The following KSR1 variants were observed in gnomAD, a reference collection of about 807,000 sequenced individuals.
KSR1 encodes kinase suppressor of ras.
Under a neutral mutation model 92.9 loss-of-function variants are expected in KSR1, and 35 were observed. The ratio of observed to expected loss-of-function variants is 0.38; its 90% CI spans 0.29 to 0.50. KSR1 has a LOEUF of 0.50. KSR1 is among the 20% of genes least tolerant of loss of function. KSR1 has a pLI of 0.94. For missense variants in KSR1, 972 were observed against 1,158.5 expected, an observed-to-expected ratio of 0.84 and a Z score of 2.34; for synonymous variants, 467 against 472.6, an observed-to-expected ratio of 0.99 and a Z score of 0.15.
At chr17:27,534,467 T>C (rs914691405) in intron 1 of KSR1, among the ~76,000 whole-genome samples, 3 of 152,158 alleles carry the variant, frequency 2.0e-5, no homozygotes, top group African/African-American at 7.2e-5. Context: ...ATCCCCCTCT[T>C]CCCCCATTTT....
chr17:27,516,746 G>A (rs1313899477), intron 1 of KSR1, among the ~76,000 whole-genome samples: 2 of 152,122 alleles, frequency 1.3e-5, no homozygotes, highest in African/African-American at 4.8e-5. Context: ...TATTTAAAGA[G>A]ATACATTCTG....
chr17:27,466,282 G>C (rs1024928017), intron 1 of KSR1, among the ~76,000 whole-genome samples: 4 of 152,192 alleles, frequency 2.6e-5, no homozygotes, highest in African/African-American at 9.7e-5. Flanking sequence ...AATAAAATTG[G>C]GTGGTTGAAG....
At position 27,582,819 on chromosome 17, in the gene KSR1, G is replaced by C. The variant is rs1598078966; in HGVS notation, c.694G>C (p.Ala232Pro). The change falls in exon 4 of 21, where the codon GCT becomes CCT. Residue 232 changes from alanine to proline, a missense_variant. Physicochemically the swap from Ala to Pro is conservative, Grantham distance 27. Around this residue, in one of 5 missense-constraint regions of KSR1, gnomAD observed 611 missense variants for 668.0 expected, o/e 0.91. Transcript: ENST00000644974. ...AQGPRSISVSALPASDSPTPS... is the reference protein window; with the variant it reads ...AQGPRSISVSPLPASDSPTPS... ...GGGCCCACGCTCCATCTCCGTGTCAGCTCTGCCCGCCTCAGACTCCCCCAC... is the reference window on the plus strand; with the variant it reads ...GGGCCCACGCTCCATCTCCGTGTCACCTCTGCCCGCCTCAGACTCCCCCAC... 6.2e-7 allele frequency: 1 copy of C among 1,613,370 alleles called. No individual in the cohort carries two copies. Among genetic ancestry groups the C allele is most frequent in the African/African-American group, 1.3e-5 (1 of 75,016 alleles).
chr17:27,558,029 C>T (rs2071672920), intron 2 of KSR1: 1 of 152,592 alleles, frequency 6.6e-6, no homozygotes, highest in Admixed American at 6.5e-5. Context: ...TGTCTTCACC[C>T]ATTTTTTTTC....
intron 2 of KSR1, chr17:27,560,305 T>G: frequency 2.6e-6 from 1 of 379,106 alleles, no homozygotes; most frequent in Non-Finnish European, 5.2e-6. Context: ...CGGTTGGAAG[T>G]TGTTGAAAGG....
In KSR1 at chr17:27,588,458, G is replaced by C; in HGVS notation, c.986-17G>C. ...GCGGAGTTCCTCAGCCTGCCCATCC[G>C]GCCTCTTTCCCTGCAGATCTCTCGC... is the stretch of plus-strand genomic sequence containing the variant. On this transcript the variant is annotated splice_polypyrimidine_tract_variant and intron_variant, in intron 5 of 20. Transcript: ENST00000644974. 1 of 1,564,662 alleles carries C rather than the reference G, an allele frequency of 6.4e-7. No homozygotes were observed. The highest frequency in any genetic ancestry group is 1.9e-5 in the Admixed American group (1 of 53,100).
chr17:27,588,807 G>A (rs2945375), intron 6 of KSR1, among the ~76,000 whole-genome samples: 21,657 of 152,146 alleles, frequency 0.14, 2,045 homozygotes, highest in Non-Finnish European at 0.21. Flanking sequence ...CACAGGTCCC[G>A]GGAGAAATAA....
chr17:27,500,218 C>T (rs182884915), intron 1 of KSR1, among the ~76,000 whole-genome samples: 363 of 152,246 alleles, frequency 2.4e-3, no homozygotes, highest in Non-Finnish European at 4.0e-3. Flanking sequence ...AAGCTTTGTA[C>T]CTGGTCAGAA....
chr17:27,606,791 C>CAA (rs34072070), intron 14 of KSR1, among the ~76,000 whole-genome samples: 12 of 116,022 alleles, frequency 1.0e-4, no homozygotes, highest in South Asian at 2.6e-4. Flanking sequence ...GACTCCATCT[C>CAA]AAAAAAAAAA....
Position 27,577,937 on chromosome 17 carries a change from T to A in KSR1, c.520+298T>A. On this transcript the variant is annotated intron_variant, in intron 3 of 20. Transcript: ENST00000644974. This position sits in a 1 kb window ranked among gnomAD's most constrained non-coding sequence, Gnocchi z 4.5. ...GGTTTCCTCTCTGTTGAGGGCTCTG[T>A]GTACCCTCTGCCAGCTTCCCACATT... 2 of 501,978 alleles carry A rather than the reference T, an allele frequency of 4.0e-6. No homozygotes were observed. The highest frequency in any genetic ancestry group is 7.3e-6 in the Non-Finnish European group (2 of 273,876). The allele number at this position is 501,978 out of a possible 1,614,324, so 31.1% of individuals were successfully genotyped here.
chr17:27,506,763 G>A (rs1389258754), intron 1 of KSR1, among the ~76,000 whole-genome samples: 3 of 150,318 alleles, frequency 2.0e-5, no homozygotes, highest in Non-Finnish European at 4.4e-5. Flanking sequence ...GGCTCCGCAG[G>A]TGTCATGAGT....
intron 1 of KSR1, among the ~76,000 whole-genome samples, chr17:27,524,701 G>A (rs2070185449): frequency 6.6e-6 from 1 of 152,210 alleles, no homozygotes; most frequent in Admixed American, 6.5e-5. Context: ...GAGGAAGTAG[G>A]TCAAAACCTA....
chr17:27,557,146 G>A (rs1394624688), intron 2 of KSR1, among the ~76,000 whole-genome samples: 1 of 152,202 alleles, frequency 6.6e-6, no homozygotes, highest in Non-Finnish European at 1.5e-5. Flanking sequence ...GGTCCTTGGG[G>A]ATTTCTGTGG....
Position 27,616,586 on chromosome 17 carries a change from G to C in KSR1, c.2494-709G>C, listed in dbSNP as rs145662525. 3.0e-3 allele frequency among the ~76,000 whole-genome samples: 458 copies of C among 152,284 alleles called. 2 individuals carry two copies. Among genetic ancestry groups the C allele is most frequent in the African/African-American group, 0.01 (428 of 41,554 alleles). ...TCTCTCTGGTTTTCCTGATACGGCA[G>C]GCAACCCCATGGGGTCCAGTTGTAT... On this transcript the variant is annotated intron_variant, in intron 18 of 20. Transcript: ENST00000644974.
In KSR1 at chr17:27,559,668, C is replaced by T. The variant is rs889131824; in HGVS notation, c.372+8960C>T. On this transcript the variant is annotated intron_variant, in intron 2 of 20. Coordinates refer to ENST00000644974, the MANE Select transcript of KSR1 (RefSeq NM_001394583.1). This position sits in a 1 kb window ranked among gnomAD's most constrained non-coding sequence, Gnocchi z 4.2. Reference sequence around the variant, plus strand: ...AACAGGAAGTGAGAGCCCCAGATGCCCTGATGGCTCCGGGATGGGATCTGT... The same window carrying T: ...AACAGGAAGTGAGAGCCCCAGATGCTCTGATGGCTCCGGGATGGGATCTGT... 1.3e-5 allele frequency among the ~76,000 whole-genome samples: 2 copies of T among 152,248 alleles called. No individual in the cohort carries two copies. The highest frequency in any genetic ancestry group is 4.1e-4 in the South Asian group (2 of 4,832).
At chr17:27,583,235 C>G in intron 4 of KSR1, 130 bp downstream of exon 4, 1 of 650,272 alleles carries the variant, frequency 1.5e-6, no homozygotes, top group South Asian at 2.1e-5. Context: ...GTGCCCCCAT[C>G]TTTCAGTCCA....
In KSR1 at chr17:27,577,784, C is replaced by T; in HGVS notation, c.520+145C>T. 1 of 744,088 alleles carries T rather than the reference C, an allele frequency of 1.3e-6. No individual in the cohort carries two copies. Among genetic ancestry groups the T allele is most frequent in the East Asian group, 2.7e-5 (1 of 37,444 alleles). 46.1% of individuals were successfully genotyped at this position (744,088 alleles called of 1,614,324 possible). A position where few individuals can be genotyped will look rare whatever the true frequency, so the allele number is the denominator to read the frequency against. On this transcript the variant is annotated intron_variant, in intron 3 of 20. Transcript: ENST00000644974. The surrounding 1 kb of genome is among the most constrained non-coding windows in gnomAD (Gnocchi z 4.5). ...AAGGCCAGGGTTGGATGTTCACAGC[C>T]TCCTGAGAAGCTCTCCCAGGGTCCT...
chr17:27,497,539 G>A lies in KSR1; in HGVS notation c.231+40665G>A, dbSNP rs573332215. On this transcript the variant is annotated intron_variant, in intron 1 of 20. Coordinates refer to ENST00000644974, the MANE Select transcript of KSR1 (RefSeq NM_001394583.1). The stretch of plus-strand genomic sequence containing the variant: ...TAAAAAGCAAGGAGTGGGACCAGGA[G>A]GAAACAGGCCGCAGGATCCCGGCCT... Among the ~76,000 whole-genome samples, 4 of 152,320 alleles carry A rather than the reference G, an allele frequency of 2.6e-5. 1 individual carries two copies. The highest frequency in any genetic ancestry group is 9.6e-5 in the African/African-American group (4 of 41,560).
chr17:27,555,085 C>T (rs567327712), intron 2 of KSR1, among the ~76,000 whole-genome samples: 37 of 152,298 alleles, frequency 2.4e-4, no homozygotes, highest in Admixed American at 7.8e-4. Context: ...CAATCCAGGG[C>T]ACCGCATGGT....
Sources: allele counts gnomAD v4.1 joint callset (sites outside exome capture counted in the v4.1 genomes callset), GRCh38; gene constraint gnomAD v4.1.1; regional missense constraint gnomAD v4.1.1; non-coding constraint Gnocchi (gnomAD v3.1); transcripts MANE v1.5; gene names NCBI Gene and HGNC (gene_info 2026-07-23, HGNC 2026-07-21).